MGST2: variants seen among roughly 807,000 people sequenced by gnomAD.
The protein encoded by MGST2 is microsomal glutathione S-transferase 2.
A neutral mutation model predicts 16.6 loss-of-function variants in MGST2; 9 were observed. That is an observed-to-expected ratio of 0.54 (90% confidence interval 0.33 to 0.95). The LOEUF is 0.95. MGST2 is among the 40% of genes least tolerant of loss of function. The pLI is 0.03. For synonymous variants in MGST2, 79 were observed against 68.0 expected (o/e 1.16, Z -0.79); for missense variants, 159 against 175.1 (o/e 0.91, Z 0.52).
intron 5 of MGST2, among the ~76,000 whole-genome samples, chr4:139,724,530 T>C (rs527265083): frequency 9.7e-4 from 147 of 152,302 alleles, no homozygotes; most frequent in Middle Eastern, 3.4e-3. Context: ...ATATAAAAGT[T>C]TGTATATATT....
At chr4:139,719,281 AGCTTTAACCACTC>A (rs777728335) in intron 5 of MGST2, 21 of 1,517,910 alleles carry the variant, frequency 1.4e-5, no homozygotes, top group Non-Finnish European at 1.9e-5. Flanking sequence ...TCACTTTTTA[AGCTTTAACCACTC>A]GAGTTGTGGA....
chr4:139,749,622 A>G, the MGST2 span, among the ~76,000 whole-genome samples: 1 of 152,262 alleles, frequency 6.6e-6, no homozygotes, highest in Non-Finnish European at 1.5e-5. Context: ...AGGACTTGAC[A>G]TGGAGGCCAC....
Position 139,678,723 on chromosome 4 carries a change from A to T in MGST2, c.158+81A>T. On this transcript the variant is annotated intron_variant, in intron 2 of 4. Coordinates refer to ENST00000265498, the MANE Select transcript of MGST2 (RefSeq NM_002413.5). ...TCCTGACTAGGGGAAAGGGATATGG[A>T]GAAGACCCTAAGTTCATGTGCAATA... 2.8e-6 allele frequency: 3 copies of T among 1,075,984 alleles called. No individual in the cohort carries two copies. In the South Asian group the frequency reaches 3.8e-5, roughly 14 times the overall value. The allele number at this position is 1,075,984 out of a possible 1,614,324, so 66.7% of individuals were successfully genotyped here.
At chr4:139,672,470 G>A (rs528301770) in intron 1 of MGST2, among the ~76,000 whole-genome samples, 5 of 152,104 alleles carry the variant, frequency 3.3e-5, no homozygotes, top group Admixed American at 1.3e-4. Flanking sequence ...GAGGGATGGA[G>A]CCCAGGGTTG....
chr4:139,705,199 G>A (rs1191929980), downstream of MGST2, among the ~76,000 whole-genome samples: 2 of 152,102 alleles, frequency 1.3e-5, no homozygotes, highest in Admixed American at 1.3e-4. Flanking sequence ...GCTTTATATT[G>A]CAAGTCAACT....
chr4:139,727,785 C>CA (rs1728536261), intron 5 of MGST2, among the ~76,000 whole-genome samples: 1 of 152,114 alleles, frequency 6.6e-6, no homozygotes, highest in Non-Finnish European at 1.5e-5. Flanking sequence ...TGTAAGATCC[C>CA]AAATCCTTCT....
chr4:139,703,436 T>C lies in MGST2; in HGVS notation c.230-19T>C, dbSNP rs1467059288. 1 of 1,610,486 alleles carries C rather than the reference T, an allele frequency of 6.2e-7. No homozygotes were observed. The highest frequency in any genetic ancestry group is 8.5e-7 in the Non-Finnish European group (1 of 1,176,756). On this transcript the variant is annotated intron_variant, in intron 3 of 4. Transcript: ENST00000265498. ...GTTGTATTTTGTGCCTTTTCTTTTTTTTTCCCACCCCCCTATAGTTTTTGC... is the reference window on the plus strand; with the variant it reads ...GTTGTATTTTGTGCCTTTTCTTTTTCTTTCCCACCCCCCTATAGTTTTTGC...
chr4:139,722,674 G>A (rs1728283366), intron 5 of MGST2, among the ~76,000 whole-genome samples: 2 of 152,202 alleles, frequency 1.3e-5, no homozygotes, highest in Non-Finnish European at 2.9e-5. Context: ...CCATAGTCAT[G>A]TAACATTGCC....
intron 5 of MGST2, chr4:139,716,974 C>G (rs1180427434): frequency 6.6e-6 from 1 of 152,406 alleles, no homozygotes; most frequent in Middle Eastern, 3.2e-3. Context: ...ATCTGAAGTG[C>G]AATACCACTG....
intron 2 of MGST2, among the ~76,000 whole-genome samples, chr4:139,684,639 C>T (rs145027998): frequency 1.2e-4 from 19 of 152,240 alleles, no homozygotes; most frequent in African/African-American, 4.6e-4. Flanking sequence ...GGTCATCTTT[C>T]TGGTACCACT....
intron 1 of MGST2, among the ~76,000 whole-genome samples, chr4:139,669,277 G>C (rs1344972646): frequency 6.6e-6 from 1 of 152,148 alleles, no homozygotes; most frequent in Non-Finnish European, 1.5e-5. Flanking sequence ...GAGGGAGACA[G>C]AGAGAGGAAG....
At chr4:139,730,746 A>G (rs1728673549) in intron 5 of MGST2, 8 of 1,340,700 alleles carry the variant, frequency 6.0e-6, no homozygotes, top group South Asian at 4.0e-5. Context: ...CCCTGGAAAA[A>G]GGGAACGGGG....
At chr4:139,668,056 T>G (rs1730466151) in intron 1 of MGST2, among the ~76,000 whole-genome samples, 1 of 152,154 alleles carries the variant, frequency 6.6e-6, no homozygotes, top group Admixed American at 6.5e-5. Flanking sequence ...TCATGTAAGA[T>G]GTACATTAGT....
At chr4:139,709,205 C>T (rs924785640), downstream of MGST2, among the ~76,000 whole-genome samples, 6 of 150,886 alleles carry the variant, frequency 4.0e-5, no homozygotes, top group African/African-American at 1.2e-4. Flanking sequence ...GCCTCAGCCT[C>T]CCAAGTAGCT....
At position 139,704,030 on chromosome 4, in the gene MGST2, G is replaced by A. The variant is rs377180782; in HGVS notation, c.326G>A (p.Arg109Gln). 4.1e-5 allele frequency: 66 copies of A among 1,614,086 alleles called. No individual in the cohort carries two copies. In the African/African-American group the frequency reaches 5.1e-4, roughly 12 times the overall value. ...EAAKKRITGF[R>Q]LSLGILALLT... is the part of the protein sequence containing the mutation. ...CCACTCTGCAGGATCACCGGTTTCC[G>A]ACTGAGTCTGGGGATTTTGGCCTTG... Residue 109 changes from arginine to glutamine, a missense_variant, in exon 5 of 5, where the codon CGA (arginine) becomes CAA (glutamine). Physicochemically the swap from Arg to Gln is conservative, Grantham distance 43. Coordinates refer to ENST00000265498, the MANE Select transcript of MGST2 (RefSeq NM_002413.5).
chr4:139,730,721 T>G, intron 5 of MGST2: 1 of 1,511,910 alleles, frequency 6.6e-7, no homozygotes, highest in Non-Finnish European at 9.1e-7. Context: ...GACTCACTGC[T>G]GTTTGAAGGG....
chr4:139,665,912 CCCCCA>C lies in MGST2; in HGVS notation c.-104_-100del. 8.9e-7 allele frequency: 1 copy of C among 1,126,350 alleles called. No individual in the cohort carries two copies. The highest frequency in any genetic ancestry group is 1.3e-6 in the Non-Finnish European group (1 of 750,830). 69.8% of individuals were successfully genotyped at this position (1,126,350 alleles called of 1,614,324 possible). ...TTCAGCCGCTTGAATCAGCCTTTTC[CCCCCA>C]CCCGGTCCCCAACTTTGTTTACCCG... On this transcript the variant is annotated 5_prime_UTR_variant, in exon 1 of 5. Coordinates refer to ENST00000265498, the MANE Select transcript of MGST2 (RefSeq NM_002413.5).
chr4:139,704,271 A>G, downstream of MGST2: 1 of 1,237,528 alleles, frequency 8.1e-7, no homozygotes, highest in African/African-American at 1.5e-5. Context: ...GTAGAAACAC[A>G]CACTTTAGAG....
At chr4:139,721,121 C>T (rs184131885) in intron 5 of MGST2, among the ~76,000 whole-genome samples, 72 of 152,336 alleles carry the variant, frequency 4.7e-4, no homozygotes, top group Admixed American at 7.8e-4. Context: ...ACAGCAAAGT[C>T]CATTCCTTCA....
Sources: gnomAD v4.1 joint callset for allele counts (sites outside exome capture counted in the v4.1 genomes callset) on GRCh38, gnomAD v4.1.1 for gene constraint, MANE v1.5 for transcripts, NCBI Gene and HGNC (gene_info 2026-07-23, HGNC 2026-07-21) for gene names.